Variants in RB1CC1 observed in about 807,000 individuals in gnomAD.
RB1CC1 encodes RB1-inducible coiled-coil protein 1.
RB1CC1 carries 46 observed loss-of-function variants against 177.5 expected under a neutral mutation model. That is an observed-to-expected ratio of 0.26 (90% CI 0.20 to 0.33). The LOEUF (loss-of-function observed/expected upper bound fraction) is 0.33, where lower values mean the gene tolerates loss of function less well. Ranked by LOEUF, RB1CC1 falls within the 10% of genes least tolerant of loss-of-function variation. The pLI is 1.00. For synonymous variants in RB1CC1, 666 were observed against 613.6 expected, an observed-to-expected ratio of 1.09 and a Z score of -1.26; for missense variants, 1,703 against 1,816.3, an observed-to-expected ratio of 0.94 and a Z score of 1.13.
At chr8:52,642,222 A>G in intron 18 of RB1CC1, 129 bp downstream of exon 18, 2 of 1,266,696 alleles carry the variant, frequency 1.6e-6, no homozygotes, top group Non-Finnish European at 2.2e-6. Flanking sequence ...TAAAGAATTA[A>G]AATAGCACAA....
chr8:52,683,621 T>G lies in RB1CC1; in HGVS notation c.297A>C (p.Glu99Asp). Residue 99 changes from glutamate to aspartate, a missense_variant, in exon 5 of 24, where the codon GAA becomes GAC. By Grantham distance (45) the Glu-to-Asp change is conservative (BLOSUM62 2). This residue lies in a region of RB1CC1 where 118 missense variants were observed against 121.2 expected (regional missense o/e 0.97). Coordinates refer to ENST00000025008, the MANE Select transcript of RB1CC1 (RefSeq NM_014781.5). Reference sequence around the variant, plus strand: ...TCATAAGAGATTCTTCAACTTTTATTTCCATGTCATTTTCTGTCGAAAAGG... The same window carrying G: ...TCATAAGAGATTCTTCAACTTTTATGTCCATGTCATTTTCTGTCGAAAAGG... ...KTTFSTENDM[E>D]IKVEESLMMP... 6.2e-7 allele frequency: 1 copy of G among 1,612,946 alleles called. No homozygotes were observed. Among genetic ancestry groups the G allele is most frequent in the South Asian group, 1.1e-5 (1 of 90,714 alleles).
chr8:52,678,327 G>C (rs1166899654), intron 5 of RB1CC1, among the ~76,000 whole-genome samples: 7 of 152,148 alleles, frequency 4.6e-5, no homozygotes, highest in Non-Finnish European at 7.3e-5. Context: ...TGAGGGAGGA[G>C]AATCACTTGA....
At chr8:52,644,047 T>C (rs1849799273) in intron 16 of RB1CC1, among the ~76,000 whole-genome samples, 1 of 152,114 alleles carries the variant, frequency 6.6e-6, no homozygotes, top group Non-Finnish European at 1.5e-5. Flanking sequence ...ATTTTATTTA[T>C]ATATAGAAAA....
At chr8:52,690,545 G>A (rs541636222) in intron 1 of RB1CC1, among the ~76,000 whole-genome samples, 110 of 152,202 alleles carry the variant, frequency 7.2e-4, no homozygotes, top group Admixed American at 1.4e-3. Flanking sequence ...AGGCCTCTAC[G>A]TGGGTTACAT....
At chr8:52,634,680 C>T (rs140424774) in intron 20 of RB1CC1, among the ~76,000 whole-genome samples, 90 of 152,252 alleles carry the variant, frequency 5.9e-4, no homozygotes, top group African/African-American at 2.1e-3. Context: ...GCCGTAAATT[C>T]GCCAAGACAT....
chr8:52,658,983 C>A lies in RB1CC1; in HGVS notation c.1690-7G>T. 6.9e-7 allele frequency: 1 copy of A among 1,456,692 alleles called. No homozygotes were observed. Among genetic ancestry groups the A allele is most frequent in the Non-Finnish European group, 9.1e-7 (1 of 1,096,344 alleles). The allele number at this position is 1,456,692 out of a possible 1,614,324, so 90.2% of individuals were successfully genotyped here. A position where few individuals can be genotyped will look rare whatever the true frequency, so the allele number is the denominator to read the frequency against. On this transcript the variant is annotated splice_region_variant and splice_polypyrimidine_tract_variant and intron_variant, in intron 12 of 23. Coordinates refer to ENST00000025008, the MANE Select transcript of RB1CC1 (RefSeq NM_014781.5). Reference sequence around the variant, plus strand: ...ACTTTCGAGGCTTTTGAGTCTGTACCAAAAAAATTAATTACTTAAAAAATT... The same window carrying A: ...ACTTTCGAGGCTTTTGAGTCTGTACAAAAAAAATTAATTACTTAAAAAATT...
chr8:52,701,262 A>C (rs766351770), intron 1 of RB1CC1, among the ~76,000 whole-genome samples: 8 of 151,932 alleles, frequency 5.3e-5, no homozygotes, highest in Non-Finnish European at 8.8e-5. Flanking sequence ...AGCTTTGATT[A>C]CACGCACCCA....
chr8:52,672,481 GC>G (rs1261885204), intron 7 of RB1CC1, among the ~76,000 whole-genome samples: 1 of 152,286 alleles, frequency 6.6e-6, no homozygotes, highest in Non-Finnish European at 1.5e-5. Flanking sequence ...AGTGGCTCAT[GC>G]CTGTAATCCC....
intron 15 of RB1CC1, among the ~76,000 whole-genome samples, chr8:52,648,693 G>T (rs1256662376): frequency 3.3e-5 from 5 of 152,112 alleles, no homozygotes; most frequent in Non-Finnish European, 2.9e-5. Flanking sequence ...CCTAACTTTT[G>T]CAGTTTGAGG....
intron 16 of RB1CC1, among the ~76,000 whole-genome samples, chr8:52,643,718 AATTTACTTAC>A: frequency 6.7e-6 from 1 of 149,700 alleles, no homozygotes; most frequent in African/African-American, 2.4e-5. Flanking sequence ...AAAAAAAAAA[AATTTACTTAC>A]AAGATTTTTG....
intron 1 of RB1CC1, among the ~76,000 whole-genome samples, chr8:52,695,917 A>G (rs1855362481): frequency 6.6e-6 from 1 of 152,214 alleles, no homozygotes; most frequent in Non-Finnish European, 1.5e-5. Flanking sequence ...GTTTGTAGTC[A>G]GCTGGTTTGA....
intron 3 of RB1CC1, among the ~76,000 whole-genome samples, 183 bp downstream of exon 3, chr8:52,685,216 A>T (rs1591082577): frequency 6.6e-6 from 1 of 151,854 alleles, no homozygotes; most frequent in Non-Finnish European, 1.5e-5. Flanking sequence ...GTTGGCCAGG[A>T]TGGTCTCGAT....
intron 20 of RB1CC1, among the ~76,000 whole-genome samples, chr8:52,634,504 G>A (rs1848986874): frequency 6.6e-6 from 1 of 151,652 alleles, no homozygotes; most frequent in South Asian, 2.1e-4. Context: ...CTAAGCTACA[G>A]AGCAAGACTG....
chr8:52,707,432 C>CTTTTTTTTTT (rs386412758), intron 1 of RB1CC1, among the ~76,000 whole-genome samples: 3 of 128,840 alleles, frequency 2.3e-5, no homozygotes, highest in Non-Finnish European at 3.2e-5. Context: ...TTCTTTCTTT[C>CTTTTTTTTTT]TTTTTTTTTT....
intron 15 of RB1CC1, among the ~76,000 whole-genome samples, chr8:52,651,814 TG>T (rs1236993872): frequency 6.6e-6 from 1 of 152,214 alleles, no homozygotes; most frequent in Non-Finnish European, 1.5e-5. Context: ...ATTAACTCCG[TG>T]AACTCGTGTT....
chr8:52,625,300 T>G (rs187039926), intron 22 of RB1CC1, among the ~76,000 whole-genome samples: 56 of 152,148 alleles, frequency 3.7e-4, no homozygotes, highest in African/African-American at 1.3e-3. Context: ...GTGTATACAG[T>G]TGGTACTCAA....
intron 1 of RB1CC1, among the ~76,000 whole-genome samples, chr8:52,698,713 T>G (rs1855717065): frequency 3.8e-5 from 2 of 52,780 alleles, no homozygotes; most frequent in East Asian, 7.0e-4. Context: ...TTTTTTTTTT[T>G]TTTTTTTTTT....
chr8:52,645,807 C>T lies in RB1CC1; in HGVS notation c.3882G>A (p.Lys1294=), dbSNP rs1488508768. The change falls in exon 16 of 24, where the codon AAG becomes AAA. Residue 1294 remains lysine, a synonymous_variant. Coordinates refer to ENST00000025008, the MANE Select transcript of RB1CC1 (RefSeq NM_014781.5). ...SSSLVAELQE[K]LQEEKAKFLE... is the part of the protein sequence containing the mutation. ...GAAACTTAGCTTTTTCTTCCTGAAG[C>T]TTTTCTTGAAGTTCAGCAACTAAGC... 1.2e-6 allele frequency: 2 copies of T among 1,610,138 alleles called. No individual in the cohort carries two copies. Among genetic ancestry groups the T allele is most frequent in the Admixed American group, 1.7e-5 (1 of 59,250 alleles).
At chr8:52,653,556 C>G (rs966571370) in intron 15 of RB1CC1, among the ~76,000 whole-genome samples, 2 of 151,986 alleles carry the variant, frequency 1.3e-5, no homozygotes, top group African/African-American at 4.8e-5. Flanking sequence ...TAACCTTCAC[C>G]CAAACACTGG....
Sources: gnomAD v4.1 joint callset for allele counts (sites outside exome capture counted in the v4.1 genomes callset) on GRCh38, gnomAD v4.1.1 for gene constraint, gnomAD v4.1.1 regional missense constraint, MANE v1.5 for transcripts, NCBI Gene and HGNC (gene_info 2026-07-23, HGNC 2026-07-21) for gene names.